Variants in RRP15 observed in about 807,000 individuals in gnomAD.
The protein encoded by RRP15 is RRP15-like protein.
RRP15 carries 18 observed loss-of-function variants against 27.1 expected under a neutral mutation model. The observed-to-expected ratio is 0.66, with a 90% CI of 0.46 to 0.98. The LOEUF (loss-of-function observed/expected upper bound fraction) is 0.98, where lower values mean the gene tolerates loss of function less well. Ranked by LOEUF, RRP15 falls within the 50% of genes least tolerant of loss-of-function variation. The pLI, the probability that RRP15 is intolerant of heterozygous loss-of-function variation, is 0.00. For missense variants in RRP15, 359 were observed against 337.8 expected (o/e 1.06, Z -0.49); for synonymous variants, 107 against 109.4 (o/e 0.98, Z 0.14).
At chr1:218,312,685 C>T (rs753728090) in intron 4 of RRP15, among the ~76,000 whole-genome samples, 4 of 151,804 alleles carry the variant, frequency 2.6e-5, no homozygotes, top group African/African-American at 7.3e-5. Flanking sequence ...ATTAGAAAAT[C>T]GTAAAGTTGG....
chr1:218,328,718 G>A (rs1485257973), intron 4 of RRP15, among the ~76,000 whole-genome samples: 1 of 151,784 alleles, frequency 6.6e-6, no homozygotes, highest in Non-Finnish European at 1.5e-5. Context: ...TTCTTCTGTT[G>A]CCTGCGGGTT....
chr1:218,288,958 A>G (rs1655592091), intron 1 of RRP15, among the ~76,000 whole-genome samples: 1 of 152,152 alleles, frequency 6.6e-6, no homozygotes, highest in Non-Finnish European at 1.5e-5. Context: ...TGATGGTACT[A>G]CCTTTCAGAG....
chr1:218,337,776 T>G lies in RRP15; in HGVS notation c.*6685T>G, dbSNP rs1038696077. On this transcript the variant is annotated 3_prime_UTR_variant, in exon 5 of 5. Transcript: ENST00000366932. The stretch of plus-strand genomic sequence containing the variant: ...ACTTATTCTGTTCTAGAATCCAAAC[T>G]CTACATACTGTTTAATAGAGCATTA... 6.6e-6 allele frequency: 1 copy of G among 152,140 alleles called. No individual in the cohort carries two copies. The highest frequency in any genetic ancestry group is 6.6e-5 in the Admixed American group (1 of 15,260). 9.4% of individuals were successfully genotyped at this position (152,140 alleles called of 1,614,324 possible).
In RRP15 at chr1:218,330,959, A is replaced by G. The variant is rs1347025628; in HGVS notation, c.717A>G (p.Lys239=). 6.2e-7 allele frequency: 1 copy of G among 1,611,656 alleles called. No individual in the cohort carries two copies. Among genetic ancestry groups the G allele is most frequent in the Non-Finnish European group, 8.5e-7 (1 of 1,178,498 alleles). ...ATAATTTTCCTTAGACTGAAGTGAA[A>G]TCAGAAGAAGGCCCAGGTTGGACGA... ...KKPKAKQTEV[K]SEEGPGWTIL... The change falls in exon 5 of 5, where the codon AAA becomes AAG. Residue 239 remains lysine (K), a synonymous_variant. Coordinates refer to ENST00000366932, the MANE Select transcript of RRP15 (RefSeq NM_016052.4).
chr1:218,336,090 A>G lies in RRP15; in HGVS notation c.*4999A>G, dbSNP rs1656443187. On this transcript the variant is annotated 3_prime_UTR_variant, in exon 5 of 5. Coordinates refer to ENST00000366932, the MANE Select transcript of RRP15 (RefSeq NM_016052.4). Reference sequence around the variant, plus strand: ...ACAGATACCACCATGTAAGGAGTGAATTCCCATGTTTTTCACTTATATCTA... The same window carrying G: ...ACAGATACCACCATGTAAGGAGTGAGTTCCCATGTTTTTCACTTATATCTA... The G allele has an allele frequency of 6.6e-6, 1 of 152,156 alleles. No homozygotes were observed. The highest frequency in any genetic ancestry group is 1.5e-5 in the Non-Finnish European group (1 of 68,036). The allele number at this position is 152,156 out of a possible 1,614,324, so 9.4% of individuals were successfully genotyped here.
At position 218,335,799 on chromosome 1, in the gene RRP15, T is replaced by C. The variant is rs901982490; in HGVS notation, c.*4708T>C. On this transcript the variant is annotated 3_prime_UTR_variant, in exon 5 of 5. Coordinates refer to ENST00000366932, the MANE Select transcript of RRP15 (RefSeq NM_016052.4). ...GGCATATACAAATACTGGTGAAATT[T>C]TATTGATTGAATTATTGTTGACTTT... The C allele has an allele frequency of 6.6e-6, 1 of 152,200 alleles. No individual in the cohort carries two copies. The highest frequency in any genetic ancestry group is 2.1e-4 in the South Asian group (1 of 4,836). The allele number at this position is 152,200 out of a possible 1,614,324, so 9.4% of individuals were successfully genotyped here.
intron 2 of RRP15, among the ~76,000 whole-genome samples, chr1:218,304,197 A>C (rs1431427558): frequency 6.6e-6 from 1 of 152,240 alleles, no homozygotes; most frequent in Non-Finnish European, 1.5e-5. Flanking sequence ...GCATAGATAA[A>C]AAAAGAAATT....
rs116448660 is a variant in RRP15 at position 218,296,351 on chromosome 1, C to T, written c.140-5943C>T. Among the ~76,000 whole-genome samples the T allele has an allele frequency of 2.1e-3, 315 of 152,164 alleles. 4 individuals carry two copies. Among genetic ancestry groups the T allele is most frequent in the African/African-American group, 7.4e-3 (309 of 41,536 alleles). On this transcript the variant is annotated intron_variant, in intron 1 of 4. Coordinates refer to ENST00000366932, the MANE Select transcript of RRP15 (RefSeq NM_016052.4). ...TGTGTAAATACAATAATAAAAGCAA[C>T]TCATAGAAATGTTGTGAAATGAGCT...
At position 218,302,491 on chromosome 1, in the gene RRP15, G is replaced by A. The variant is rs528817693; in HGVS notation, c.337G>A (p.Val113Ile). 2.4e-5 allele frequency: 39 copies of A among 1,613,904 alleles called. 1 individual carries two copies. In the South Asian group the frequency reaches 4.1e-4, roughly 17 times the overall value. ...TCCTGAAAGTAAACCTACTATTCTGGTCAAAAATAAGAAGCTGGAAAAGGA... is the reference window on the plus strand; with the variant it reads ...TCCTGAAAGTAAACCTACTATTCTGATCAAAAATAAGAAGCTGGAAAAGGA... ...KTPESKPTILVKNKKLEKEKE... is the reference protein window; with the variant it reads ...KTPESKPTILIKNKKLEKEKE... The change falls in exon 2 of 5, where the codon GTC becomes ATC. Residue 113 changes from valine (V) to isoleucine (I), a missense_variant. Coordinates refer to ENST00000366932, the MANE Select transcript of RRP15 (RefSeq NM_016052.4).
chr1:218,297,966 A>G (rs952653509), intron 1 of RRP15, among the ~76,000 whole-genome samples: 2 of 152,146 alleles, frequency 1.3e-5, no homozygotes, highest in African/African-American at 4.8e-5. Flanking sequence ...TTTACCATCC[A>G]ATTCTCAAAT....
At chr1:218,310,363 A>T (rs550855722) in intron 4 of RRP15, among the ~76,000 whole-genome samples, 1 of 152,342 alleles carries the variant, frequency 6.6e-6, no homozygotes, top group South Asian at 2.1e-4. Flanking sequence ...GCAGCCATCT[A>T]TCAGGATACC....
intron 4 of RRP15, among the ~76,000 whole-genome samples, chr1:218,311,393 CA>C (rs1286701027): frequency 2.0e-5 from 3 of 152,076 alleles, no homozygotes; most frequent in Middle Eastern, 3.2e-3. Context: ...CACTGCTGAG[CA>C]AAATAATATA....
At position 218,316,997 on chromosome 1, in the gene RRP15, G is replaced by A. The variant is rs1305014235; in HGVS notation, c.705+9365G>A. 2.6e-5 allele frequency among the ~76,000 whole-genome samples: 4 copies of A among 152,202 alleles called. No homozygotes were observed. In the East Asian group the frequency reaches 5.8e-4, roughly 22 times the overall value. Reference sequence around the variant, plus strand: ...TATAAAACTAGATTTGAAGGAACTAGAAATGTGTCCACTTTCTCTTGTTCC... The same window carrying A: ...TATAAAACTAGATTTGAAGGAACTAAAAATGTGTCCACTTTCTCTTGTTCC... On this transcript the variant is annotated intron_variant, in intron 4 of 4. Transcript: ENST00000366932.
Position 218,307,502 on chromosome 1 carries a change from G to A in RRP15, c.575G>A (p.Gly192Glu). Reference sequence around the variant, plus strand: ...GTTGATGAAAAGGTTAAGGAAGCTGGAAGTTCTATGAGAAAGCGTGCTAAG... The same window carrying A: ...GTTGATGAAAAGGTTAAGGAAGCTGAAAGTTCTATGAGAAAGCGTGCTAAG... ...KNVDEKVKEA[G>E]SSMRKRAKLI... The change falls in exon 4 of 5, where the codon GGA becomes GAA. Residue 192 changes from glycine (G) to glutamate (E), a missense_variant. Coordinates refer to ENST00000366932, the MANE Select transcript of RRP15 (RefSeq NM_016052.4). 2 of 1,614,014 alleles carry A rather than the reference G, an allele frequency of 1.2e-6. No individual in the cohort carries two copies. The highest frequency in any genetic ancestry group is 1.7e-6 in the Non-Finnish European group (2 of 1,179,962).
chr1:218,299,577 A>G (rs1655778555), intron 1 of RRP15, among the ~76,000 whole-genome samples: 1 of 152,156 alleles, frequency 6.6e-6, no homozygotes, highest in Admixed American at 6.5e-5. Context: ...ACATCAGGAC[A>G]AAACACTAGA....
intron 1 of RRP15, among the ~76,000 whole-genome samples, chr1:218,298,945 G>A (rs1403918886): frequency 6.6e-6 from 1 of 152,060 alleles, no homozygotes; most frequent in East Asian, 1.9e-4. Context: ...GCAACACACA[G>A]GACTTCAAAG....
At chr1:218,322,374 T>C in intron 4 of RRP15, among the ~76,000 whole-genome samples, 1 of 152,158 alleles carries the variant, frequency 6.6e-6, no homozygotes, top group African/African-American at 2.4e-5. Flanking sequence ...TGTTTGACCC[T>C]TTTTCATTTA....
At chr1:218,305,767 T>A (rs954463206) in intron 3 of RRP15, among the ~76,000 whole-genome samples, 1 of 152,168 alleles carries the variant, frequency 6.6e-6, no homozygotes, top group African/African-American at 2.4e-5. Flanking sequence ...AGAATTACTT[T>A]TAAATTCTTG....
At chr1:218,320,382 A>G (rs1165490061) in intron 4 of RRP15, among the ~76,000 whole-genome samples, 1 of 152,136 alleles carries the variant, frequency 6.6e-6, no homozygotes, top group Non-Finnish European at 1.5e-5. Flanking sequence ...CCTACAAAGG[A>G]CATGAACTCA....
Sources: allele counts gnomAD v4.1 joint callset (sites outside exome capture counted in the v4.1 genomes callset), GRCh38; gene constraint gnomAD v4.1.1; transcripts MANE v1.5; gene names NCBI Gene and HGNC (gene_info 2026-07-23, HGNC 2026-07-21).